ERP44: variants seen among roughly 807,000 people sequenced by gnomAD.
ERP44 encodes the protein endoplasmic reticulum resident protein 44.
ERP44 carries 25 observed loss-of-function variants against 53.4 expected under a neutral mutation model. The ratio of observed to expected loss-of-function variants is 0.47; its 90% CI spans 0.34 to 0.65. The LOEUF (loss-of-function observed/expected upper bound fraction) is 0.65. ERP44 is among the 30% of genes least tolerant of loss of function. The pLI, the probability that ERP44 is intolerant of heterozygous loss-of-function variation, is 0.01. For missense variants in ERP44, 338 were observed against 493.2 expected (o/e 0.69, Z 2.98); for synonymous variants, 145 against 161.2 (o/e 0.90, Z 0.76).
chr9:99,998,826 T>C, intron 10 of ERP44: 4 of 1,166,560 alleles, frequency 3.4e-6, no homozygotes, highest in Non-Finnish European at 5.0e-6. Context: ...TCTAATTTTC[T>C]ATTTTTAATA....
At chr9:100,073,405 T>C (rs1826325495) in intron 1 of ERP44, among the ~76,000 whole-genome samples, 1 of 152,116 alleles carries the variant, frequency 6.6e-6, no homozygotes, top group African/African-American at 2.4e-5. Flanking sequence ...AGTCTATGAG[T>C]TGGGAGTCAA....
intron 3 of ERP44, 83 bp downstream of exon 3, chr9:100,057,737 C>G (rs954063729): frequency 1.0e-6 from 1 of 978,540 alleles, no homozygotes; most frequent in Admixed American, 2.1e-5. Flanking sequence ...ATAGAAAAAG[C>G]CTTCCCTTCC....
chr9:99,994,258 T>G (rs553279468), intron 10 of ERP44, among the ~76,000 whole-genome samples: 24 of 152,288 alleles, frequency 1.6e-4, no homozygotes, highest in African/African-American at 5.8e-4. Flanking sequence ...AAACAAAGTG[T>G]CCATCAGTGA....
At chr9:100,058,629 C>T (rs761056085) in intron 2 of ERP44, among the ~76,000 whole-genome samples, 1 of 152,154 alleles carries the variant, frequency 6.6e-6, no homozygotes, top group Non-Finnish European at 1.5e-5. Context: ...AATAGTGTTG[C>T]ACAAGACGCC....
intron 10 of ERP44, among the ~76,000 whole-genome samples, chr9:100,005,892 A>G (rs1587960149): frequency 6.6e-6 from 1 of 152,370 alleles, no homozygotes; most frequent in South Asian, 2.1e-4. Flanking sequence ...CTACATTTTT[A>G]ACCACTGTAT....
chr9:100,007,648 G>C lies in ERP44; in HGVS notation c.804C>G (p.His268Gln). 6.2e-7 allele frequency: 1 copy of C among 1,603,026 alleles called. No homozygotes were observed. The highest frequency in any genetic ancestry group is 8.5e-7 in the Non-Finnish European group (1 of 1,169,902). ...EEGLPFLILF[H>Q]MKEDTESLEI... ...CTAAACTTTCTGTATCTTCTTTCAT[G>C]TGAAAGAGTATGAGAAAAGGCAGTC... The change falls in exon 9 of 12, where the codon CAC (histidine) becomes CAG (glutamine). Residue 268 changes from histidine to glutamine, a missense_variant. By Grantham distance (24) the His-to-Gln change is conservative. This residue lies in a region of ERP44 where 113 missense variants were observed against 172.6 expected (regional missense o/e 0.65). Coordinates refer to ENST00000262455, the MANE Select transcript of ERP44 (RefSeq NM_015051.3).
intron 1 of ERP44, among the ~76,000 whole-genome samples, chr9:100,084,294 C>T (rs978071157): frequency 6.6e-6 from 1 of 152,196 alleles, no homozygotes; most frequent in African/African-American, 2.4e-5. Context: ...AGCAAAACCA[C>T]ATTGACTCTG....
intron 1 of ERP44, among the ~76,000 whole-genome samples, chr9:100,088,954 G>C (rs1340791347): frequency 6.6e-6 from 1 of 152,142 alleles, no homozygotes; most frequent in African/African-American, 2.4e-5. Context: ...AAACAAATAA[G>C]ATACATGCTT....
chr9:100,050,051 A>C (rs199993103), intron 4 of ERP44, among the ~76,000 whole-genome samples: 4 of 145,018 alleles, frequency 2.8e-5, no homozygotes, highest in Admixed American at 2.1e-4. Flanking sequence ...AAAAAAAAAA[A>C]CCCAGACAAA....
intron 10 of ERP44, among the ~76,000 whole-genome samples, chr9:99,989,668 T>G (rs1168820631): frequency 6.6e-6 from 1 of 151,958 alleles, no homozygotes; most frequent in Non-Finnish European, 1.5e-5. Context: ...TCGCCAGCAA[T>G]GGAACAAAGC....
At chr9:99,998,655 C>T in intron 10 of ERP44, 1 of 766,928 alleles carries the variant, frequency 1.3e-6, no homozygotes. Context: ...TCCCTGTGCT[C>T]TTTGTCACTG....
rs186652822 is a variant in ERP44, at chr9:100,085,123, C to T, written c.57+13661G>A. 5.7e-3 allele frequency among the ~76,000 whole-genome samples: 870 copies of T among 152,290 alleles called. 7 individuals are homozygous for T. The highest frequency in any genetic ancestry group is 0.02 in the African/African-American group (827 of 41,570). On this transcript the variant is annotated intron_variant, in intron 1 of 11. Transcript: ENST00000262455. ...CTCGGTTATTATATATTTTAAAACA[C>T]TTTTTTATTCAAGACAATAACTAGT...
In ERP44 at chr9:100,042,326, C is replaced by A. The variant is rs149240868; in HGVS notation, c.286+10091G>T. Among the ~76,000 whole-genome samples, 27 of 152,228 alleles carry A rather than the reference C, an allele frequency of 1.8e-4. No individual in the cohort carries two copies. The East Asian group carries it at 3.1e-3, about 17-fold the overall frequency. On this transcript the variant is annotated intron_variant, in intron 4 of 11. Transcript: ENST00000262455. ...TAAAAACGTGCACAACATCACTGAT[C>A]GTCAAAGAAATGCAAATCAAAACTA... is the stretch of plus-strand genomic sequence containing the variant.
Position 100,029,158 on chromosome 9 carries a change from C to CA in ERP44, c.287-6933dup, listed in dbSNP as rs36038673. Among the ~76,000 whole-genome samples, 130 of 140,590 alleles carry CA rather than the reference C, an allele frequency of 9.2e-4. No homozygotes were observed. The East Asian group carries it at 0.012, about 13-fold the overall frequency. 92.2% of individuals were successfully genotyped at this position (140,590 alleles called of 152,430 possible). On this transcript the variant is annotated intron_variant, in intron 4 of 11. Coordinates refer to ENST00000262455, the MANE Select transcript of ERP44 (RefSeq NM_015051.3). The stretch of plus-strand genomic sequence containing the variant: ...ATGGATACTGCTTTAAATGCACAGG[C>CA]AAAAAAAAAAGCAAAAATAGACAAA...
Position 100,090,765 on chromosome 9 carries a change from A to G in ERP44, c.57+8019T>C, listed in dbSNP as rs563728042. On this transcript the variant is annotated intron_variant, in intron 1 of 11. Transcript: ENST00000262455. ...CTCTGTTTCAAAAAAAAAAAAATATACAACAAAACAGCTAAAGAGCAGGCT... is the reference window on the plus strand; with the variant it reads ...CTCTGTTTCAAAAAAAAAAAAATATGCAACAAAACAGCTAAAGAGCAGGCT... 4.6e-4 allele frequency among the ~76,000 whole-genome samples: 70 copies of G among 152,034 alleles called. No individual in the cohort carries two copies. In the South Asian group the frequency reaches 0.014, roughly 30 times the overall value.
intron 10 of ERP44, among the ~76,000 whole-genome samples, chr9:99,990,406 G>A (rs1830241268): frequency 6.6e-6 from 1 of 152,132 alleles, no homozygotes; most frequent in African/African-American, 2.4e-5. Flanking sequence ...TTCATATCCA[G>A]CCAAACTAAG....
chr9:100,017,949 C>G (rs1457488128), intron 7 of ERP44, among the ~76,000 whole-genome samples: 3 of 152,068 alleles, frequency 2.0e-5, no homozygotes, highest in African/African-American at 7.2e-5. Flanking sequence ...AAATCTGGCT[C>G]CCAGACTGAA....
intron 1 of ERP44, among the ~76,000 whole-genome samples, chr9:100,068,818 T>C (rs1015018558): frequency 2.6e-5 from 4 of 152,070 alleles, no homozygotes; most frequent in South Asian, 2.1e-4. Context: ...GAACGGGCCA[T>C]GATGACAATG....
chr9:100,065,835 A>G (rs1826204809), intron 1 of ERP44, among the ~76,000 whole-genome samples: 1 of 152,242 alleles, frequency 6.6e-6, no homozygotes, highest in Admixed American at 6.5e-5. Context: ...ACTCCTGTTA[A>G]TAAGATTTCT....
Sources: gnomAD v4.1 joint callset for allele counts (sites outside exome capture counted in the v4.1 genomes callset) on GRCh38, gnomAD v4.1.1 for gene constraint, gnomAD v4.1.1 regional missense constraint, MANE v1.5 for transcripts, NCBI Gene and HGNC (gene_info 2026-07-23, HGNC 2026-07-21) for gene names.